Variants in LINGO2 observed in about 807,000 individuals in gnomAD.
LINGO2 encodes the protein leucine rich repeat and Ig domain containing 2, also known as leucine-rich repeat and immunoglobulin-like domain-containing nogo receptor-interacting protein 2.
LINGO2 carries 14 observed loss-of-function variants against 30.6 expected under a neutral mutation model. That is an observed-to-expected ratio of 0.46 (90% confidence interval 0.30 to 0.72). The LOEUF is 0.72. LINGO2 is among the 30% of genes least tolerant of loss of function. LINGO2 has a pLI of 0.07. For synonymous variants in LINGO2, 317 were observed against 288.5 expected, an observed-to-expected ratio of 1.10 and a Z score of -1.00; for missense variants, 729 against 751.7, an observed-to-expected ratio of 0.97 and a Z score of 0.35.
chr9:28,806,674 A>G, the LINGO2 span, among the ~76,000 whole-genome samples: 3 of 152,158 alleles, frequency 2.0e-5, no homozygotes, highest in African/African-American at 7.2e-5. Context: ...TCATCTATAC[A>G]AGTTTCATCG....
intron 4 of LINGO2, among the ~76,000 whole-genome samples, chr9:28,186,013 C>T (rs749378487): frequency 3.3e-5 from 5 of 152,128 alleles, no homozygotes; most frequent in African/African-American, 7.2e-5. Context: ...TTATGAGAGA[C>T]GCTCAATCAT....
the LINGO2 span, among the ~76,000 whole-genome samples, chr9:28,943,832 T>A: frequency 6.6e-6 from 1 of 152,298 alleles, no homozygotes; most frequent in East Asian, 1.9e-4. Context: ...ACATGTATAA[T>A]ATCTAGGCAA....
the LINGO2 span, among the ~76,000 whole-genome samples, chr9:28,954,708 T>C: frequency 6.6e-6 from 1 of 152,186 alleles, no homozygotes. Flanking sequence ...GGAACTCCCA[T>C]GGTACACGGA....
chr9:28,102,738 A>C (rs1826454481), intron 4 of LINGO2, among the ~76,000 whole-genome samples: 1 of 152,032 alleles, frequency 6.6e-6, no homozygotes, highest in African/African-American at 2.4e-5. Flanking sequence ...ATCACTAATA[A>C]GCATAAAAAA....
intron 5 of LINGO2, among the ~76,000 whole-genome samples, chr9:27,983,096 C>A (rs1820959999): frequency 6.6e-6 from 1 of 151,722 alleles, no homozygotes; most frequent in Non-Finnish European, 1.5e-5. Context: ...ACGTCCTAAT[C>A]TAACTATTAA....
chr9:28,990,955 C>T, the LINGO2 span, among the ~76,000 whole-genome samples: 2 of 152,218 alleles, frequency 1.3e-5, no homozygotes, highest in African/African-American at 4.8e-5. Context: ...AAAAGCAGAG[C>T]ACTTCTCCTC....
chr9:28,509,661 T>C (rs1820291836), intron 1 of LINGO2, among the ~76,000 whole-genome samples: 1 of 152,092 alleles, frequency 6.6e-6, no homozygotes, highest in African/African-American at 2.4e-5. Flanking sequence ...AACCTAATAG[T>C]ACTTACGTCC....
chr9:28,658,507 T>G (rs1323572848), intron 1 of LINGO2, among the ~76,000 whole-genome samples: 1 of 152,102 alleles, frequency 6.6e-6, no homozygotes, highest in East Asian at 1.9e-4. Context: ...CTTTTAACCT[T>G]TAACAATTTT....
At chr9:29,003,373 G>C in the LINGO2 span, among the ~76,000 whole-genome samples, 1 of 151,950 alleles carries the variant, frequency 6.6e-6, no homozygotes, top group Non-Finnish European at 1.5e-5. Flanking sequence ...GGAAAGTTAG[G>C]ATTAAGTGAC....
At chr9:27,985,344 A>G (rs1453801947) in intron 5 of LINGO2, among the ~76,000 whole-genome samples, 1 of 151,962 alleles carries the variant, frequency 6.6e-6, no homozygotes, top group African/African-American at 2.4e-5. Context: ...GGCATCAAAC[A>G]TAAAATTTAC....
At chr9:28,931,567 C>T in the LINGO2 span, among the ~76,000 whole-genome samples, 1 of 152,150 alleles carries the variant, frequency 6.6e-6, no homozygotes. Flanking sequence ...TTAACTACAA[C>T]ATGTTTTGTC....
At chr9:28,327,673 T>A (rs1825278636) in intron 3 of LINGO2, among the ~76,000 whole-genome samples, 1 of 152,182 alleles carries the variant, frequency 6.6e-6, no homozygotes. Context: ...ATCTTTGTGC[T>A]AACATCTAAT....
At chr9:28,778,543 A>G in the LINGO2 span, among the ~76,000 whole-genome samples, 1 of 152,200 alleles carries the variant, frequency 6.6e-6, no homozygotes, top group Non-Finnish European at 1.5e-5. Flanking sequence ...TCCTGATGAC[A>G]TACTAGAAGT....
At chr9:28,045,095 A>C (rs1185117205) in intron 4 of LINGO2, among the ~76,000 whole-genome samples, 1 of 151,926 alleles carries the variant, frequency 6.6e-6, no homozygotes, top group Non-Finnish European at 1.5e-5. Context: ...AAGAGGAAAA[A>C]ATTGAGACTT....
intron 4 of LINGO2, among the ~76,000 whole-genome samples, chr9:28,220,688 T>C (rs148959155): frequency 3.3e-4 from 50 of 152,290 alleles, no homozygotes; most frequent in African/African-American, 1.1e-3. Context: ...TGTTCCAATC[T>C]ACAAAGACCC....
In LINGO2 at chr9:28,595,766, T is replaced by A. The variant is rs576195847; in HGVS notation, c.-365+74434A>T. 5.9e-5 allele frequency among the ~76,000 whole-genome samples: 9 copies of A among 152,220 alleles called. No homozygotes were observed. In the South Asian group the frequency reaches 1.2e-3, roughly 21 times the overall value. On this transcript the variant is annotated intron_variant, in intron 1 of 5. Transcript: ENST00000379992. ...TGAGGCAGAAACTAGGAAAGTAGGA[T>A]CACAGCGGGGGAAACCCTAGAGTTG...
At chr9:28,759,709 T>C in the LINGO2 span, among the ~76,000 whole-genome samples, 5 of 149,182 alleles carry the variant, frequency 3.4e-5, no homozygotes, top group South Asian at 1.1e-3. Flanking sequence ...AGAAAGAAAA[T>C]GTCCGTGGCT....
intron 1 of LINGO2, among the ~76,000 whole-genome samples, chr9:28,664,298 C>A (rs1828704933): frequency 6.6e-6 from 1 of 152,012 alleles, no homozygotes; most frequent in Non-Finnish European, 1.5e-5. Context: ...GGGGAGCTAT[C>A]TGCAAGGAAC....
chr9:28,104,784 T>A (rs1170948776), intron 4 of LINGO2, among the ~76,000 whole-genome samples: 2 of 152,186 alleles, frequency 1.3e-5, no homozygotes, highest in Non-Finnish European at 2.9e-5. Flanking sequence ...GCCAGTCTTA[T>A]CAATAATCAT....
Sources: gnomAD v4.1 joint callset for allele counts (sites outside exome capture counted in the v4.1 genomes callset) on GRCh38, gnomAD v4.1.1 for gene constraint, MANE v1.5 for transcripts, NCBI Gene and HGNC (gene_info 2026-07-23, HGNC 2026-07-21) for gene names.